The following PRKCZ variants were observed in gnomAD, a reference collection of about 807,000 sequenced individuals.
PRKCZ encodes protein kinase C zeta type.
In PRKCZ, 33 loss-of-function variants were observed where a neutral mutation model predicts 79.5. That is an observed-to-expected ratio of 0.41 (90% confidence interval 0.31 to 0.55). The LOEUF (loss-of-function observed/expected upper bound fraction) is 0.55. PRKCZ is among the 20% of genes least tolerant of loss of function. The pLI, the probability that PRKCZ is intolerant of heterozygous loss-of-function variation, is 0.19. For missense variants in PRKCZ, 578 were observed against 813.5 expected (o/e 0.71, Z 3.52); for synonymous variants, 342 against 320.9 (o/e 1.07, Z -0.70).
At position 2,178,464 on chromosome 1, in the gene PRKCZ, G is replaced by A. The variant is rs1034596988; in HGVS notation, c.1575+3151G>A. Among the ~76,000 whole-genome samples the A allele has an allele frequency of 6.6e-6, 1 of 152,150 alleles. No homozygotes were observed. The highest frequency in any genetic ancestry group is 2.4e-5 in the African/African-American group (1 of 41,432). ...GACATAGGGTGGCCTCCACTTTCTG[G>A]CCATTGTGAATTGTGCTGCCGTGAA... On this transcript the variant is annotated intron_variant, in intron 16 of 17. Coordinates refer to ENST00000378567, the MANE Select transcript of PRKCZ (RefSeq NM_002744.6). This position sits in a 1 kb window ranked among gnomAD's most constrained non-coding sequence, Gnocchi z 4.3.
rs115026123 is a variant in PRKCZ, at chr1:2,096,394, G to A, written c.334+36803G>A. On this transcript the variant is annotated intron_variant, in intron 4 of 17. Coordinates refer to ENST00000378567, the MANE Select transcript of PRKCZ (RefSeq NM_002744.6). ...AGCACAGGTGTCGGCATCCCACTGG[G>A]AGCACGGGTGAGGTGCCTCCCTTCT... Among the ~76,000 whole-genome samples the A allele has an allele frequency of 8.9e-3, 1,349 of 152,146 alleles. 23 individuals carry two copies. The highest frequency in any genetic ancestry group is 0.031 in the African/African-American group (1,271 of 41,498).
At chr1:2,105,558 C>G (rs376170066) in intron 4 of PRKCZ, among the ~76,000 whole-genome samples, 1 of 152,192 alleles carries the variant, frequency 6.6e-6, no homozygotes, top group Non-Finnish European at 1.5e-5. Flanking sequence ...TGCCACCATG[C>G]GCAGCTAATT....
At chr1:2,104,884 G>T (rs1391139531) in intron 4 of PRKCZ, 1 of 985,374 alleles carries the variant, frequency 1.0e-6, no homozygotes, top group East Asian at 1.1e-4. Context: ...AGAGAGAAGA[G>T]CAGTTTTCAG....
At chr1:2,121,632 A>AGTTAGGGT (rs1671987178) in intron 4 of PRKCZ, among the ~76,000 whole-genome samples, 3 of 22,028 alleles carry the variant, frequency 1.4e-4, no homozygotes, top group African/African-American at 5.0e-4. Context: ...GGTTAGGGTC[A>AGTTAGGGT]CAGTGGTAGT....
intron 4 of PRKCZ, among the ~76,000 whole-genome samples, chr1:2,101,366 G>A (rs1055126264): frequency 2.0e-5 from 3 of 152,132 alleles, no homozygotes; most frequent in African/African-American, 7.2e-5. Flanking sequence ...CCCCTTCTCT[G>A]GTGGTCTCAC....
Position 2,122,198 on chromosome 1 carries a change from G to T in PRKCZ, c.335-13064G>T, listed in dbSNP as rs535545172. On this transcript the variant is annotated intron_variant, in intron 4 of 17. Coordinates refer to ENST00000378567, the MANE Select transcript of PRKCZ (RefSeq NM_002744.6). ...TGGTTAGGGTTGTGGTGGTTAGGGT[G>T]GTGGTGGTTAGGGTCGTGGCGGTGG... is the stretch of plus-strand genomic sequence containing the variant. 7.1e-3 allele frequency among the ~76,000 whole-genome samples: 64 copies of T among 8,988 alleles called. 29 individuals carry two copies. Among genetic ancestry groups the T allele is most frequent in the African/African-American group, 0.067 (55 of 826 alleles). 5.9% of individuals were successfully genotyped at this position (8,988 alleles called of 152,430 possible).
At chr1:2,157,802 C>G (rs1311260592) in intron 10 of PRKCZ, among the ~76,000 whole-genome samples, 1 of 152,008 alleles carries the variant, frequency 6.6e-6, no homozygotes, top group Admixed American at 6.6e-5. Flanking sequence ...CTCAGCCTCC[C>G]AAAGTGCTGG....
At position 2,124,224 on chromosome 1, in the gene PRKCZ, C is replaced by T. The variant is rs61775456; in HGVS notation, c.335-11038C>T. ...AGGGTCACGGCTGTAGTTAGCGTCACGGTGGTGGTTAGGGTCACGGTGGTG... is the reference window on the plus strand; with the variant it reads ...AGGGTCACGGCTGTAGTTAGCGTCATGGTGGTGGTTAGGGTCACGGTGGTG... On this transcript the variant is annotated intron_variant, in intron 4 of 17. Transcript: ENST00000378567. 7.1e-4 allele frequency among the ~76,000 whole-genome samples: 4 copies of T among 5,662 alleles called. 1 individual carries two copies. The highest frequency in any genetic ancestry group is 9.3e-3 in the South Asian group (2 of 216). 3.7% of individuals were successfully genotyped at this position (5,662 alleles called of 152,430 possible).
At chr1:2,071,262 T>A (rs2102303387) in intron 4 of PRKCZ, 1 of 377,098 alleles carries the variant, frequency 2.7e-6, no homozygotes, top group South Asian at 1.9e-5. Context: ...ACATAGTAAG[T>A]GCTTAGCAAG....
intron 5 of PRKCZ, among the ~76,000 whole-genome samples, chr1:2,140,423 C>T (rs1170500993): frequency 2.6e-5 from 4 of 152,262 alleles, no homozygotes; most frequent in Admixed American, 2.6e-4. Context: ...GAGGCCGAGG[C>T]AGGCGGAGTG....
chr1:2,097,249 G>A (rs922208261), intron 4 of PRKCZ, among the ~76,000 whole-genome samples: 1 of 152,230 alleles, frequency 6.6e-6, no homozygotes, highest in Non-Finnish European at 1.5e-5. Context: ...GCTGTCGTCC[G>A]GTGCAGGCCA....
chr1:2,112,772 C>T (rs1181243615), intron 4 of PRKCZ, among the ~76,000 whole-genome samples: 3 of 151,694 alleles, frequency 2.0e-5, no homozygotes, highest in African/African-American at 7.3e-5. Context: ...TCACTGTAAC[C>T]TCCACCTCCT....
chr1:2,133,152 G>T (rs561599328), intron 4 of PRKCZ, among the ~76,000 whole-genome samples: 3 of 152,312 alleles, frequency 2.0e-5, no homozygotes, highest in Non-Finnish European at 4.4e-5. Flanking sequence ...CATTTTCAGG[G>T]TTTCCCAGGC....
chr1:2,162,452 G>A (rs547542846), intron 10 of PRKCZ, among the ~76,000 whole-genome samples: 28 of 152,216 alleles, frequency 1.8e-4, no homozygotes, highest in Middle Eastern at 3.4e-3. Flanking sequence ...ATTTTCATTG[G>A]GATTTGTTAA....
Position 2,177,863 on chromosome 1 carries a change from G to A in PRKCZ, c.1575+2550G>A, listed in dbSNP as rs1246553306. 2.8e-4 allele frequency among the ~76,000 whole-genome samples: 43 copies of A among 152,086 alleles called. No individual in the cohort carries two copies. Among genetic ancestry groups the A allele is most frequent in the Admixed American group, 2.6e-3 (39 of 15,272 alleles). ...TTCCATCCCAGCCTGAGAGGCCTGC[G>A]AAGGGCTTGCCACCGACTGCCAGCC... On this transcript the variant is annotated intron_variant, in intron 16 of 17. Coordinates refer to ENST00000378567, the MANE Select transcript of PRKCZ (RefSeq NM_002744.6). This position sits in a 1 kb window ranked among gnomAD's most constrained non-coding sequence, Gnocchi z 6.4.
rs1048525212 is a variant in PRKCZ, at chr1:2,172,711, G to C, written c.1285+323G>C. 1.3e-5 allele frequency among the ~76,000 whole-genome samples: 2 copies of C among 152,144 alleles called. No individual in the cohort carries two copies. Among genetic ancestry groups the C allele is most frequent in the Non-Finnish European group, 2.9e-5 (2 of 68,018 alleles). Reference sequence around the variant, plus strand: ...CCTGAGTCCCCGTGCTGCACGAGTGGCTGGGGGAGAAGCTGTTGTCTGGGG... The same window carrying C: ...CCTGAGTCCCCGTGCTGCACGAGTGCCTGGGGGAGAAGCTGTTGTCTGGGG... On this transcript the variant is annotated intron_variant, in intron 13 of 17. Transcript: ENST00000378567. This position sits in a 1 kb window ranked among gnomAD's most constrained non-coding sequence, Gnocchi z 7.8.
In PRKCZ at chr1:2,176,655, C is replaced by T. The variant is rs150703766; in HGVS notation, c.1575+1342C>T. 6.2e-3 allele frequency among the ~76,000 whole-genome samples: 949 copies of T among 152,348 alleles called. 19 individuals carry two copies. Among genetic ancestry groups the T allele is most frequent in the Non-Finnish European group, 3.5e-3 (239 of 68,030 alleles). The stretch of plus-strand genomic sequence containing the variant: ...GAGAAAGCCCAGCTCTAGCTCTGTC[C>T]TCCACCCCACCCAACTTTTCCAGGC... On this transcript the variant is annotated intron_variant, in intron 16 of 17. Transcript: ENST00000378567.
rs1674202505 is a variant in PRKCZ, at chr1:2,127,651, G to A, written c.335-7611G>A. ...GAGCTCTGGTGCAGGTGTAGCCGAG[G>A]CTCAGGGGCTCCACACCAGGCAAAT... On this transcript the variant is annotated intron_variant, in intron 4 of 17. Transcript: ENST00000378567. The surrounding 1 kb of genome is among the most constrained non-coding windows in gnomAD (Gnocchi z 5.1). Among the ~76,000 whole-genome samples, 1 of 152,220 alleles carries A rather than the reference G, an allele frequency of 6.6e-6. No homozygotes were observed. The highest frequency in any genetic ancestry group is 2.1e-4 in the South Asian group (1 of 4,830).
chr1:2,137,637 G>GTGAAC (rs1676488089), intron 5 of PRKCZ, among the ~76,000 whole-genome samples: 1 of 152,194 alleles, frequency 6.6e-6, no homozygotes, highest in South Asian at 2.1e-4. Context: ...TTAGCCCAGA[G>GTGAAC]TGAACCCTAC....
Sources: gnomAD v4.1 joint callset for allele counts (sites outside exome capture counted in the v4.1 genomes callset) on GRCh38, gnomAD v4.1.1 for gene constraint, Gnocchi (gnomAD v3.1) non-coding constraint, MANE v1.5 for transcripts, NCBI Gene and HGNC (gene_info 2026-07-23, HGNC 2026-07-21) for gene names.